MYCBP2: variants seen among roughly 807,000 people sequenced by gnomAD.
The protein encoded by MYCBP2 is MYC binding protein 2.
MYCBP2 carries 120 observed loss-of-function variants against 525.3 expected under a neutral mutation model. That is an observed-to-expected ratio of 0.23 (90% CI 0.20 to 0.27). MYCBP2 has a LOEUF of 0.27. Among genes scored for constraint, MYCBP2 ranks in the 10% least tolerant of loss-of-function variants. MYCBP2 has a pLI of 1.00. For missense variants in MYCBP2, 4,149 were observed against 5,657.1 expected, an observed-to-expected ratio of 0.73 and a Z score of 8.55; for synonymous variants, 1,894 against 1,955.8, an observed-to-expected ratio of 0.97 and a Z score of 0.83.
At chr13:77,299,007 A>G (rs1411358987) in intron 1 of MYCBP2, among the ~76,000 whole-genome samples, 1 of 93,492 alleles carries the variant, frequency 1.1e-5, no homozygotes, top group Non-Finnish European at 3.2e-5. Flanking sequence ...TATTCTTCAT[A>G]CTATTTAGGA....
chr13:77,318,470 A>G (rs145095322), intron 1 of MYCBP2, among the ~76,000 whole-genome samples: 1 of 152,314 alleles, frequency 6.6e-6, no homozygotes, highest in East Asian at 1.9e-4. Flanking sequence ...AACTACAAAT[A>G]CTGGGCCAGG....
At chr13:77,160,953 T>G (rs1307718979) in intron 44 of MYCBP2, among the ~76,000 whole-genome samples, 1 of 152,224 alleles carries the variant, frequency 6.6e-6, no homozygotes, top group Non-Finnish European at 1.5e-5. Flanking sequence ...AAAAATATTT[T>G]TGGAAAATTT....
rs373027753 is a variant in MYCBP2, at chr13:77,083,104, C to T, written c.10964G>A (p.Arg3655His). ...AAHPLPHTFH[R>H]LLQTISDLMM... ...AAGGTCTGAGATGGTCTGCAGCAAG[C>T]GGTGAAAGGTGTGTGGTAAAGGATG... is the stretch of plus-strand genomic sequence containing the variant. The change falls in exon 63 of 83, where the codon CGC becomes CAC. Residue 3655 changes from arginine (R) to histidine (H), a missense_variant. Physicochemically the swap from Arg to His is conservative, Grantham distance 29. Coordinates refer to ENST00000544440, the MANE Select transcript of MYCBP2 (RefSeq NM_015057.5). 18 of 1,613,348 alleles carry T rather than the reference C, an allele frequency of 1.1e-5. No individual in the cohort carries two copies. The highest frequency in any genetic ancestry group is 1.1e-4 in the African/African-American group (8 of 74,836).
chr13:77,054,193 A>G (rs1045512100), intron 80 of MYCBP2, among the ~76,000 whole-genome samples: 1 of 152,122 alleles, frequency 6.6e-6, no homozygotes, highest in South Asian at 2.1e-4. Context: ...GAGGTAGAGA[A>G]GAGCATCCTT....
chr13:77,225,595 T>C, intron 18 of MYCBP2, 41 bp from the exon 19 acceptor site: 1 of 1,602,820 alleles, frequency 6.2e-7, no homozygotes, highest in Non-Finnish European at 8.5e-7. Context: ...TAAGCCATTA[T>C]TCATCTTCAA....
At chr13:77,217,979 T>G in intron 20 of MYCBP2, 22 bp from the exon 21 acceptor site, 1 of 1,336,532 alleles carries the variant, frequency 7.5e-7, no homozygotes, top group Non-Finnish European at 1.0e-6. Context: ...AAAAAAAAAG[T>G]AAGTCAATTT....
At chr13:77,066,586 G>C (rs1219442318) in intron 71 of MYCBP2, among the ~76,000 whole-genome samples, 1 of 152,182 alleles carries the variant, frequency 6.6e-6, no homozygotes, top group African/African-American at 2.4e-5. Context: ...CACAATTACA[G>C]AACATCCTTG....
chr13:77,321,898 C>T (rs1023238159), intron 1 of MYCBP2, among the ~76,000 whole-genome samples: 5 of 152,194 alleles, frequency 3.3e-5, no homozygotes, highest in African/African-American at 1.2e-4. Flanking sequence ...TGGTGGCTCA[C>T]ACCCATAATC....
chr13:77,202,895 C>G (rs2154270784), intron 26 of MYCBP2, among the ~76,000 whole-genome samples: 1 of 152,256 alleles, frequency 6.6e-6, no homozygotes, highest in South Asian at 2.1e-4. Context: ...GGACATATTT[C>G]AAAATAATAA....
intron 26 of MYCBP2, among the ~76,000 whole-genome samples, chr13:77,199,820 C>T (rs993381925): frequency 4.6e-5 from 7 of 152,186 alleles, no homozygotes; most frequent in African/African-American, 1.7e-4. Context: ...AACAGACCTG[C>T]AGCTGAGGGT....
At chr13:77,067,989 G>A in intron 70 of MYCBP2, 125 bp from the exon 71 acceptor site, 1 of 864,692 alleles carries the variant, frequency 1.2e-6, no homozygotes, top group Non-Finnish European at 1.7e-6. Flanking sequence ...GTGCAGTGGA[G>A]CAACCACAGC....
At chr13:77,281,979 ATTGT>A (rs1253475369) in intron 3 of MYCBP2, among the ~76,000 whole-genome samples, 9 of 152,226 alleles carry the variant, frequency 5.9e-5, no homozygotes, top group Admixed American at 5.9e-4. Flanking sequence ...GTCTTTTAAA[ATTGT>A]TTGTATAAAG....
intron 18 of MYCBP2, among the ~76,000 whole-genome samples, chr13:77,229,436 C>G (rs1168693198): frequency 6.6e-6 from 1 of 152,126 alleles, no homozygotes; most frequent in Non-Finnish European, 1.5e-5. Flanking sequence ...ATAAATAAGG[C>G]TCATGCATTT....
intron 34 of MYCBP2, among the ~76,000 whole-genome samples, chr13:77,179,718 G>A (rs773737958): frequency 1.1e-4 from 16 of 152,072 alleles, no homozygotes; most frequent in Non-Finnish European, 1.6e-4. Context: ...CTCTAGGGTC[G>A]GTTGAGTGGG....
At chr13:77,049,091 A>G (rs571566128) in intron 82 of MYCBP2, among the ~76,000 whole-genome samples, 1 of 152,144 alleles carries the variant, frequency 6.6e-6, no homozygotes, top group Admixed American at 6.5e-5. Flanking sequence ...TACAACTTTC[A>G]TTCAATAATT....
chr13:77,271,444 G>T (rs893065592), intron 5 of MYCBP2, among the ~76,000 whole-genome samples: 1 of 152,080 alleles, frequency 6.6e-6, no homozygotes, highest in Admixed American at 6.6e-5. Flanking sequence ...GTATGCATTT[G>T]GGTGCCAAAA....
chr13:77,233,040 T>A, intron 18 of MYCBP2, 116 bp downstream of exon 18: 2 of 832,406 alleles, frequency 2.4e-6, no homozygotes, highest in East Asian at 2.5e-5. Flanking sequence ...TCAGGCTACA[T>A]CATGATAGAA....
intron 52 of MYCBP2, among the ~76,000 whole-genome samples, chr13:77,133,221 G>C (rs1008554734): frequency 1.1e-4 from 16 of 152,072 alleles, no homozygotes; most frequent in African/African-American, 3.9e-4. Flanking sequence ...TTGTGATCCT[G>C]GGTGAGTGGC....
At chr13:77,173,560 C>T (rs942602549) in intron 37 of MYCBP2, among the ~76,000 whole-genome samples, 2 of 152,166 alleles carry the variant, frequency 1.3e-5, no homozygotes, top group African/African-American at 4.8e-5. Context: ...TTTATACTAT[C>T]TACGTAGGCA....
Sources: allele counts gnomAD v4.1 joint callset (sites outside exome capture counted in the v4.1 genomes callset), GRCh38; gene constraint gnomAD v4.1.1; transcripts MANE v1.5; gene names NCBI Gene and HGNC (gene_info 2026-07-23, HGNC 2026-07-21).